Variants in FUBP1 observed in about 807,000 individuals in gnomAD.
The protein encoded by FUBP1 is far upstream element binding protein 1.
Under a neutral mutation model 94.9 loss-of-function variants are expected in FUBP1, and 16 were observed. That is an observed-to-expected ratio of 0.17 (90% CI 0.11 to 0.26). The LOEUF (loss-of-function observed/expected upper bound fraction) is 0.26, where lower values mean the gene tolerates loss of function less well. Ranked by LOEUF, FUBP1 falls within the 10% of genes least tolerant of loss-of-function variation. The pLI, the probability that FUBP1 is intolerant of heterozygous loss-of-function variation, is 1.00. For missense variants in FUBP1, 583 were observed against 808.6 expected, an observed-to-expected ratio of 0.72 and a Z score of 3.38; for synonymous variants, 279 against 254.9, an observed-to-expected ratio of 1.09 and a Z score of -0.90.
chr1:77,968,509 T>C (rs1656931590), intron 2 of FUBP1, among the ~76,000 whole-genome samples: 1 of 151,984 alleles, frequency 6.6e-6, no homozygotes, highest in African/African-American at 2.4e-5. Flanking sequence ...GGTCCATTAC[T>C]AGCAAAATAT....
At chr1:77,959,329 T>A (rs1353164242) in intron 16 of FUBP1, among the ~76,000 whole-genome samples, 1 of 152,046 alleles carries the variant, frequency 6.6e-6, no homozygotes, top group Non-Finnish European at 1.5e-5. Flanking sequence ...TGCCAGAATA[T>A]AATAGGATAA....
At chr1:77,952,368 G>GT (rs200503134) in intron 18 of FUBP1, among the ~76,000 whole-genome samples, 4,646 of 142,832 alleles carry the variant, frequency 0.033, 98 homozygotes, top group East Asian at 0.12. Flanking sequence ...GTTTTCAATA[G>GT]TTTTTTTTTT....
chr1:77,950,440 G>A (rs927501273), intron 18 of FUBP1, among the ~76,000 whole-genome samples: 15 of 152,134 alleles, frequency 9.9e-5, no homozygotes, highest in Non-Finnish European at 1.5e-4. Flanking sequence ...GATTACAGGC[G>A]TCAACCACTG....
At chr1:77,952,188 G>A (rs111569444) in intron 18 of FUBP1, among the ~76,000 whole-genome samples, 12 of 152,016 alleles carry the variant, frequency 7.9e-5, no homozygotes, top group African/African-American at 1.7e-4. Context: ...CAAGTGAGCC[G>A]AGATCATGCC....
chr1:77,944,952 T>C lies in FUBP1; in HGVS notation c.*3814A>G, dbSNP rs944239739. On this transcript the variant is annotated 3_prime_UTR_variant, in exon 20 of 20. Transcript: ENST00000370768. The stretch of plus-strand genomic sequence containing the variant: ...GCTGTCTTAAAAAAAACTAAAAACA[T>C]TGTCAAATTTTTGTTTAAGTGCTAA... Among the ~76,000 whole-genome samples the C allele has an allele frequency of 1.3e-5, 2 of 151,948 alleles. No homozygotes were observed. Among genetic ancestry groups the C allele is most frequent in the Admixed American group, 6.6e-5 (1 of 15,256 alleles).
chr1:77,966,105 A>C (rs1228126232), intron 7 of FUBP1, among the ~76,000 whole-genome samples: 2 of 152,254 alleles, frequency 1.3e-5, no homozygotes, highest in Admixed American at 6.5e-5. Context: ...AGTAGGAAGA[A>C]AGGGCTGGCT....
At chr1:77,976,825 A>G (rs1346810775) in intron 1 of FUBP1, among the ~76,000 whole-genome samples, 2 of 152,184 alleles carry the variant, frequency 1.3e-5, no homozygotes, top group Non-Finnish European at 2.9e-5. Context: ...GCATTGCAAC[A>G]CAAGGTCTTC....
chr1:77,950,161 A>G (rs1653124599), intron 18 of FUBP1, among the ~76,000 whole-genome samples: 1 of 152,132 alleles, frequency 6.6e-6, no homozygotes, highest in Non-Finnish European at 1.5e-5. Flanking sequence ...TTGTGATAAT[A>G]TTGAGGGTAT....
chr1:77,969,136 A>G, intron 2 of FUBP1: 1 of 671,780 alleles, frequency 1.5e-6, no homozygotes, highest in Non-Finnish European at 2.3e-6. Flanking sequence ...AAGCATCATT[A>G]GCTCATTTTT....
intron 3 of FUBP1, 151 bp from the exon 4 acceptor site, chr1:77,967,817 T>A: frequency 1.7e-6 from 1 of 576,798 alleles, no homozygotes; most frequent in East Asian, 2.9e-5. Flanking sequence ...ACAATATTTA[T>A]ATTGGCATTG....
intron 1 of FUBP1, among the ~76,000 whole-genome samples, chr1:77,974,085 G>A (rs1279777577): frequency 6.6e-6 from 1 of 150,898 alleles, no homozygotes; most frequent in Admixed American, 6.6e-5. Context: ...TCAGCCTTCT[G>A]GATAGCTGGT....
intron 18 of FUBP1, among the ~76,000 whole-genome samples, chr1:77,951,391 C>A (rs1290584845): frequency 6.6e-6 from 1 of 152,214 alleles, no homozygotes; most frequent in Non-Finnish European, 1.5e-5. Flanking sequence ...ACACTCCAAT[C>A]TTAAAAGATG....
chr1:77,963,602 A>C lies in FUBP1; in HGVS notation c.1155T>G (p.Thr385=). 6.3e-7 allele frequency: 1 copy of C among 1,592,544 alleles called. No homozygotes were observed. Among genetic ancestry groups the C allele is most frequent in the Non-Finnish European group, 8.6e-7 (1 of 1,160,508 alleles). Residue 385 remains threonine, a synonymous_variant, in exon 13 of 20, where the codon ACT becomes ACG. Transcript: ENST00000370768. ...TTCCTATTATTAATCCAGTTTTCCC[A>C]GTTGGCACAATAAAATTAAATTCCT... ...GLQEFNFIVP[T]GKTGLIIGKG...
upstream of FUBP1, chr1:77,979,196 GAGAA>G (rs1659368988): frequency 6.8e-6 from 4 of 585,928 alleles, no homozygotes; most frequent in South Asian, 6.7e-5. Context: ...GGTTAGGGCT[GAGAA>G]AGAACGACAG....
intron 1 of FUBP1, among the ~76,000 whole-genome samples, chr1:77,976,378 C>A (rs1658590319): frequency 6.6e-6 from 1 of 152,142 alleles, no homozygotes; most frequent in Non-Finnish European, 1.5e-5. Context: ...ATCATTACAG[C>A]AAAGACATCA....
chr1:77,960,431 C>T lies in FUBP1; in HGVS notation c.1409G>A (p.Gly470Glu). The T allele has an allele frequency of 6.3e-7, 1 of 1,593,908 alleles. No homozygotes were observed. The highest frequency in any genetic ancestry group is 8.5e-7 in the Non-Finnish European group (1 of 1,175,022). Residue 470 changes from glycine to glutamate, a missense_variant, in exon 15 of 20, where the codon GGA becomes GAA. Transcript: ENST00000370768. ...HGPHGVPGPHGPPGPPGPGTP... is the reference protein window; with the variant it reads ...HGPHGVPGPHEPPGPPGPGTP... The stretch of plus-strand genomic sequence containing the variant: ...TCCAGGCCCTGGAGGCCCAGGAGGT[C>T]CATGGGGGCCTGGGACACCATGGGG...
intron 2 of FUBP1, among the ~76,000 whole-genome samples, chr1:77,968,424 T>A (rs1250800302): frequency 6.6e-6 from 1 of 152,014 alleles, no homozygotes; most frequent in East Asian, 1.9e-4. Flanking sequence ...ATTAAAATAG[T>A]TATCTGATTC....
chr1:77,975,678 GA>G (rs1014811227), intron 1 of FUBP1, among the ~76,000 whole-genome samples: 3 of 152,090 alleles, frequency 2.0e-5, no homozygotes, highest in African/African-American at 7.2e-5. Context: ...ATGTTCTAGA[GA>G]CAGAAGTTGC....
chr1:77,944,947 A>T lies in FUBP1; in HGVS notation c.*3819T>A, dbSNP rs1050922244. Among the ~76,000 whole-genome samples the T allele has an allele frequency of 1.3e-5, 2 of 151,986 alleles. No homozygotes were observed. Among genetic ancestry groups the T allele is most frequent in the Admixed American group, 6.6e-5 (1 of 15,250 alleles). ...ACTAAGCTGTCTTAAAAAAAACTAA[A>T]AACATTGTCAAATTTTTGTTTAAGT... On this transcript the variant is annotated 3_prime_UTR_variant, in exon 20 of 20. Coordinates refer to ENST00000370768, the MANE Select transcript of FUBP1 (RefSeq NM_003902.5).
Sources: gnomAD v4.1 joint callset for allele counts (sites outside exome capture counted in the v4.1 genomes callset) on GRCh38, gnomAD v4.1.1 for gene constraint, MANE v1.5 for transcripts, NCBI Gene and HGNC (gene_info 2026-07-23, HGNC 2026-07-21) for gene names.